Variants in PDGFRA observed in about 807,000 individuals in gnomAD.
The protein encoded by PDGFRA is platelet derived growth factor receptor alpha.
PDGFRA carries 25 observed loss-of-function variants against 121.5 expected under a neutral mutation model. The ratio of observed to expected loss-of-function variants is 0.21; its 90% CI spans 0.15 to 0.29. The LOEUF is 0.29. PDGFRA is among the 10% of genes least tolerant of loss of function. The pLI, the probability that PDGFRA is intolerant of heterozygous loss-of-function variation, is 1.00. For synonymous variants in PDGFRA, 463 were observed against 494.8 expected (o/e 0.94, Z 0.85); for missense variants, 1,008 against 1,345.1 (o/e 0.75, Z 3.92).
chr4:54,291,527 A>AT (rs397799466), intron 22 of PDGFRA, among the ~76,000 whole-genome samples: 4 of 151,908 alleles, frequency 2.6e-5, no homozygotes, highest in Non-Finnish European at 5.9e-5. Context: ...ATATGAAAAA[A>AT]TGCTCAACAT....
In PDGFRA at chr4:54,277,384, A is replaced by G. The variant is rs1553904808; in HGVS notation, c.1787-4A>G. The G allele has an allele frequency of 1.9e-6, 3 of 1,611,320 alleles. No homozygotes were observed. The highest frequency in any genetic ancestry group is 4.5e-5 in the East Asian group (2 of 44,830). On this transcript the variant is annotated splice_region_variant and splice_polypyrimidine_tract_variant and intron_variant, in intron 12 of 22. Transcript: ENST00000257290. ...TGGGTGTTAATGATTCTGCCTGCCC[A>G]CAGGTCGGGTCTTGGGGTCTGGAGC...
chr4:54,229,345 A>G lies in PDGFRA; in HGVS notation c.-83A>G. On this transcript the variant is annotated 5_prime_UTR_variant, in exon 1 of 23. Transcript: ENST00000257290. ...ACAGAGGAGGAGACTGCAAGAGATC[A>G]TTGGAGGCCGTGGGCACGCTCTTTA... 2 of 398,336 alleles carry G rather than the reference A, an allele frequency of 5.0e-6. No homozygotes were observed. Among genetic ancestry groups the G allele is most frequent in the Non-Finnish European group, 4.4e-6 (1 of 225,890 alleles). The allele number at this position is 398,336 out of a possible 1,614,324, so 24.7% of individuals were successfully genotyped here.
rs142035263 is a variant in PDGFRA at position 54,291,570 on chromosome 4, G to A, written c.3122+1016G>A. Among the ~76,000 whole-genome samples the A allele has an allele frequency of 1.0e-2, 1,518 of 152,216 alleles. 24 individuals are homozygous for A. The highest frequency in any genetic ancestry group is 0.034 in the African/African-American group (1,410 of 41,520). ...CACTAGAGAAATGCAAATCAGAACCGTGATGAGATACCATCTCACACCAGA... is the reference window on the plus strand; with the variant it reads ...CACTAGAGAAATGCAAATCAGAACCATGATGAGATACCATCTCACACCAGA... On this transcript the variant is annotated intron_variant, in intron 22 of 22. Transcript: ENST00000257290.
At chr4:54,278,930 C>T in intron 15 of PDGFRA, 1 of 449,114 alleles carries the variant, frequency 2.2e-6, no homozygotes, top group South Asian at 1.6e-5. Flanking sequence ...GATAGTGATC[C>T]CTACTGCAGA....
intron 1 of PDGFRA, among the ~76,000 whole-genome samples, chr4:54,235,123 C>T (rs1388062499): frequency 6.6e-6 from 1 of 152,160 alleles, no homozygotes; most frequent in Non-Finnish European, 1.5e-5. Context: ...AGTTAGGAGA[C>T]TGCGTAGAAA....
chr4:54,275,048 G>A (rs1723647214), intron 12 of PDGFRA, 75 bp downstream of exon 12: 1 of 1,496,268 alleles, frequency 6.7e-7, no homozygotes, highest in Non-Finnish European at 9.3e-7. Flanking sequence ...GGCCTTGGCA[G>A]AATAGAGATC....
In PDGFRA at chr4:54,229,294, T is replaced by C. The variant is rs748405020; in HGVS notation, c.-134T>C. On this transcript the variant is annotated 5_prime_UTR_variant, in exon 1 of 23. Transcript: ENST00000257290. ...TTACAAAACGCGGTTTTTGAGCCCA[T>C]TACTGTTGGAGCTACAGGGAGAGAA... 5.0e-6 allele frequency: 2 copies of C among 396,170 alleles called. No individual in the cohort carries two copies. The highest frequency in any genetic ancestry group is 4.2e-5 in the African/African-American group (2 of 47,444). 24.5% of individuals were successfully genotyped at this position (396,170 alleles called of 1,614,324 possible). A position where few individuals can be genotyped will look rare whatever the true frequency, so the allele number is the denominator to read the frequency against.
chr4:54,292,706 A>G (rs1387300248), intron 22 of PDGFRA, among the ~76,000 whole-genome samples: 1 of 152,104 alleles, frequency 6.6e-6, no homozygotes, highest in Non-Finnish European at 1.5e-5. Flanking sequence ...TTAAAAAAAG[A>G]ACAAGATCAT....
chr4:54,256,075 T>A (rs1198081108), intron 1 of PDGFRA, among the ~76,000 whole-genome samples: 1 of 151,956 alleles, frequency 6.6e-6, no homozygotes, highest in African/African-American at 2.4e-5. Flanking sequence ...TGGGTAGGAA[T>A]GGTTTCATAA....
chr4:54,285,706 A>G (rs1724320544), intron 17 of PDGFRA, 135 bp from the exon 18 acceptor site: 1 of 955,652 alleles, frequency 1.0e-6, no homozygotes, highest in East Asian at 2.4e-5. Flanking sequence ...TGGAGTGAGA[A>G]CCTGGGAGAA....
In PDGFRA at chr4:54,235,699, C is replaced by T. The variant is rs562674816; in HGVS notation, c.-13+6284C>T. ...AGGAGGTAGGAGGTGCAGGGCAAGT[C>T]ATGTGGCTTCTGGGGCATCCCTCAC... is the stretch of plus-strand genomic sequence containing the variant. On this transcript the variant is annotated intron_variant, in intron 1 of 22. Coordinates refer to ENST00000257290, the MANE Select transcript of PDGFRA (RefSeq NM_006206.6). Among the ~76,000 whole-genome samples the T allele has an allele frequency of 2.5e-3, 386 of 152,296 alleles. 1 individual carries two copies. Among genetic ancestry groups the T allele is most frequent in the African/African-American group, 9.1e-3 (377 of 41,570 alleles).
chr4:54,270,188 A>T (rs1486972365), intron 7 of PDGFRA, among the ~76,000 whole-genome samples: 1 of 152,174 alleles, frequency 6.6e-6, no homozygotes, highest in Non-Finnish European at 1.5e-5. Context: ...CTACATACAA[A>T]TACATAGAAA....
intron 3 of PDGFRA, among the ~76,000 whole-genome samples, 172 bp downstream of exon 3, chr4:54,261,584 G>T (rs986514352): frequency 6.6e-6 from 1 of 152,052 alleles, no homozygotes; most frequent in East Asian, 1.9e-4. Context: ...AATATTCATT[G>T]TTAGCATTTC....
At chr4:54,281,334 T>C (rs1724068018) in intron 16 of PDGFRA, among the ~76,000 whole-genome samples, 2 of 152,262 alleles carry the variant, frequency 1.3e-5, no homozygotes, top group South Asian at 2.1e-4. Context: ...TTGGAAATTA[T>C]TGATGTGCTC....
At chr4:54,263,639 A>G in intron 3 of PDGFRA, 28 bp from the exon 4 acceptor site, 1 of 1,607,374 alleles carries the variant, frequency 6.2e-7, no homozygotes, top group Non-Finnish European at 8.5e-7. Context: ...AATGTCTAAT[A>G]GAGTCTTCAT....
At chr4:54,252,723 T>G (rs929676536) in intron 1 of PDGFRA, among the ~76,000 whole-genome samples, 1 of 152,212 alleles carries the variant, frequency 6.6e-6, no homozygotes, top group African/African-American at 2.4e-5. Context: ...TTGTGGTCTT[T>G]AATCATGTGA....
chr4:54,268,369 ACCTTATGT>A (rs750420291), intron 7 of PDGFRA, among the ~76,000 whole-genome samples: 3 of 152,154 alleles, frequency 2.0e-5, no homozygotes, highest in Non-Finnish European at 4.4e-5. Flanking sequence ...GATAAACAAT[ACCTTATGT>A]CCTTCAAGGC....
At chr4:54,282,836 G>A (rs776425912) in intron 16 of PDGFRA, among the ~76,000 whole-genome samples, 2 of 152,198 alleles carry the variant, frequency 1.3e-5, no homozygotes, top group Admixed American at 6.5e-5. Flanking sequence ...TAGGCATTGG[G>A]TCAACATTCC....
At chr4:54,284,602 C>A (rs1724225611) in intron 16 of PDGFRA, among the ~76,000 whole-genome samples, 1 of 135,624 alleles carries the variant, frequency 7.4e-6, no homozygotes. Flanking sequence ...GAGAGAGGTG[C>A]CATACAGTTT....
Sources: gnomAD v4.1 joint callset for allele counts (sites outside exome capture counted in the v4.1 genomes callset) on GRCh38, gnomAD v4.1.1 for gene constraint, MANE v1.5 for transcripts, NCBI Gene and HGNC (gene_info 2026-07-23, HGNC 2026-07-21) for gene names.